NALCN: variants seen among roughly 807,000 people sequenced by gnomAD.
The protein encoded by NALCN is sodium leak channel NALCN.
Under a neutral mutation model 225.3 loss-of-function variants are expected in NALCN, and 111 were observed. The ratio of observed to expected loss-of-function variants is 0.49; its 90% CI spans 0.42 to 0.58. The LOEUF (loss-of-function observed/expected upper bound fraction) is 0.58, where lower values mean the gene tolerates loss of function less well. Among genes scored for constraint, NALCN ranks in the 20% least tolerant of loss-of-function variants. The pLI is 0.00. For missense variants in NALCN, 1,378 were observed against 2,202.4 expected, an observed-to-expected ratio of 0.63 and a Z score of 7.49; for synonymous variants, 764 against 769.0, an observed-to-expected ratio of 0.99 and a Z score of 0.11.
intron 6 of NALCN, among the ~76,000 whole-genome samples, chr13:101,360,148 TTTTC>T (rs72192291): frequency 0.037 from 5,554 of 149,046 alleles, 377 homozygotes; most frequent in African/African-American, 0.13. Flanking sequence ...TTCTCTCTTT[TTTTC>T]TTTCTTTCTT....
intron 6 of NALCN, among the ~76,000 whole-genome samples, chr13:101,370,553 A>G (rs2046510949): frequency 6.6e-6 from 1 of 152,204 alleles, no homozygotes; most frequent in Admixed American, 6.5e-5. Context: ...TCAGAGTGTG[A>G]TATTGGCAAA....
chr13:101,295,763 G>C (rs1336144992), intron 7 of NALCN, among the ~76,000 whole-genome samples: 3 of 152,182 alleles, frequency 2.0e-5, no homozygotes, highest in Admixed American at 2.0e-4. Flanking sequence ...TGGGTAGAAA[G>C]GCTGTGAAGA....
intron 11 of NALCN, among the ~76,000 whole-genome samples, chr13:101,238,842 A>T (rs974912497): frequency 1.5e-4 from 23 of 151,948 alleles, no homozygotes; most frequent in African/African-American, 5.6e-4. Flanking sequence ...TCTTCCACTC[A>T]TATATGGAAC....
At chr13:101,063,698 C>A (rs939064945) in intron 40 of NALCN, among the ~76,000 whole-genome samples, 2 of 152,044 alleles carry the variant, frequency 1.3e-5, no homozygotes, top group Non-Finnish European at 2.9e-5. Flanking sequence ...GAGAACTTTT[C>A]CCAGATTCTT....
chr13:101,176,751 A>C (rs2038974691), intron 14 of NALCN, among the ~76,000 whole-genome samples: 1 of 152,240 alleles, frequency 6.6e-6, no homozygotes, highest in African/African-American at 2.4e-5. Context: ...ATAAGGAAAT[A>C]TTAGAAATAA....
chr13:101,343,427 GAACAACAAGA>G (rs975620939), intron 7 of NALCN, among the ~76,000 whole-genome samples: 10 of 152,236 alleles, frequency 6.6e-5, no homozygotes, highest in Admixed American at 3.9e-4. Flanking sequence ...TCAGGCAAAA[GAACAACAAGA>G]AAACAACTAA....
intron 13 of NALCN, among the ~76,000 whole-genome samples, chr13:101,196,169 T>A (rs1199489111): frequency 1.3e-5 from 2 of 152,214 alleles, no homozygotes; most frequent in Non-Finnish European, 2.9e-5. Context: ...CATTTTTTTT[T>A]AATACAATCT....
At chr13:101,226,245 G>A (rs1034231427) in intron 13 of NALCN, among the ~76,000 whole-genome samples, 10 of 152,056 alleles carry the variant, frequency 6.6e-5, no homozygotes, top group Admixed American at 4.6e-4. Flanking sequence ...CCCTGAGACA[G>A]CCTCCCCTCC....
At chr13:101,405,191 C>T (rs1449474160) in intron 1 of NALCN, among the ~76,000 whole-genome samples, 1 of 152,180 alleles carries the variant, frequency 6.6e-6, no homozygotes, top group Non-Finnish European at 1.5e-5. Context: ...ACAGTGAAAA[C>T]TTGACGACAA....
intron 1 of NALCN, among the ~76,000 whole-genome samples, chr13:101,408,367 G>A (rs879634779): frequency 8.5e-5 from 13 of 152,124 alleles, no homozygotes; most frequent in Non-Finnish European, 1.0e-4. Flanking sequence ...ATCATTCCCT[G>A]TAATCTGGCC....
intron 17 of NALCN, among the ~76,000 whole-genome samples, chr13:101,128,801 G>A (rs187805268): frequency 1.3e-5 from 2 of 152,038 alleles, no homozygotes; most frequent in East Asian, 3.9e-4. Flanking sequence ...GGGCTCAAGT[G>A]ATCCTCCTGC....
chr13:101,100,713 A>G, intron 27 of NALCN, 71 bp downstream of exon 27: 3 of 1,295,108 alleles, frequency 2.3e-6, no homozygotes, highest in Non-Finnish European at 1.1e-6. Context: ...CCAAAGTGCT[A>G]GGATTGTAGG....
intron 34 of NALCN, among the ~76,000 whole-genome samples, chr13:101,077,696 T>G (rs1282865093): frequency 1.3e-5 from 2 of 152,252 alleles, no homozygotes; most frequent in Non-Finnish European, 2.9e-5. Flanking sequence ...TGCAGTCTGA[T>G]GATTTTTATA....
chr13:101,069,050 GC>G (rs1442293839), intron 37 of NALCN, among the ~76,000 whole-genome samples: 1 of 152,138 alleles, frequency 6.6e-6, no homozygotes, highest in Non-Finnish European at 1.5e-5. Context: ...CAAGGTTATT[GC>G]CATTTTTAAA....
intron 13 of NALCN, among the ~76,000 whole-genome samples, chr13:101,211,118 A>T (rs2040506576): frequency 6.6e-6 from 1 of 152,210 alleles, no homozygotes; most frequent in Non-Finnish European, 1.5e-5. Context: ...TTCATCACTG[A>T]AAACATACTT....
At chr13:101,181,793 G>GT (rs1453851991) in intron 14 of NALCN, among the ~76,000 whole-genome samples, 6 of 152,072 alleles carry the variant, frequency 3.9e-5, no homozygotes, top group Admixed American at 6.5e-5. Flanking sequence ...CACTGAAATA[G>GT]TAACTAGACA....
intron 15 of NALCN, among the ~76,000 whole-genome samples, chr13:101,154,221 A>T (rs2037793210): frequency 6.6e-6 from 1 of 152,180 alleles, no homozygotes; most frequent in South Asian, 2.1e-4. Context: ...ATGGAGCTTC[A>T]ATTAGCTGCC....
intron 12 of NALCN, among the ~76,000 whole-genome samples, chr13:101,236,397 G>A (rs12863911): frequency 0.16 from 23,969 of 151,930 alleles, 2,247 homozygotes; most frequent in East Asian, 0.36. Context: ...ATTTGACCCA[G>A]CCATCCCATT....
chr13:101,272,377 G>C (rs554728158), intron 10 of NALCN, among the ~76,000 whole-genome samples: 1 of 152,310 alleles, frequency 6.6e-6, no homozygotes, highest in East Asian at 1.9e-4. Context: ...CTGTGTGTGA[G>C]GCTATGTTTT....
Sources: gnomAD v4.1 joint callset for allele counts (sites outside exome capture counted in the v4.1 genomes callset) on GRCh38, gnomAD v4.1.1 for gene constraint, MANE v1.5 for transcripts, NCBI Gene and HGNC (gene_info 2026-07-23, HGNC 2026-07-21) for gene names.